DHRS7B: variants seen among roughly 807,000 people sequenced by gnomAD.
The protein encoded by DHRS7B is peroxisomal reductase activating PPAR-gamma.
In DHRS7B, 24 loss-of-function variants were observed where a neutral mutation model predicts 26.4. That is an observed-to-expected ratio of 0.91 (90% CI 0.66 to 1.28). The LOEUF is 1.28. DHRS7B is among the 50% of genes most tolerant of loss of function. The pLI is 0.00. For missense variants in DHRS7B, 368 were observed against 419.4 expected, an observed-to-expected ratio of 0.88 and a Z score of 1.07; for synonymous variants, 142 against 166.4, an observed-to-expected ratio of 0.85 and a Z score of 1.13.
chr17:21,172,629 C>T (rs1052592395), intron 2 of DHRS7B, among the ~76,000 whole-genome samples: 1 of 152,242 alleles, frequency 6.6e-6, no homozygotes, highest in Non-Finnish European at 1.5e-5. Context: ...TCAGCCGGGG[C>T]CTCTGGTTCA....
At chr17:21,185,482 T>A (rs1974610163) in intron 5 of DHRS7B, among the ~76,000 whole-genome samples, 1 of 152,252 alleles carries the variant, frequency 6.6e-6, no homozygotes, top group South Asian at 2.1e-4. Flanking sequence ...ATTCTGATCC[T>A]GTTTCCTTAC....
chr17:21,155,097 GA>G (rs1193122310), intron 1 of DHRS7B, among the ~76,000 whole-genome samples: 1 of 151,890 alleles, frequency 6.6e-6, no homozygotes. Context: ...GGTAACAAAT[GA>G]AAAAAAATTA....
intron 1 of DHRS7B, among the ~76,000 whole-genome samples, chr17:21,152,305 C>G (rs1173054920): frequency 1.3e-5 from 2 of 152,142 alleles, no homozygotes; most frequent in African/African-American, 4.8e-5. Context: ...CAGGCACATG[C>G]CACCACACCT....
At chr17:21,160,687 T>C (rs1304332430) in intron 1 of DHRS7B, among the ~76,000 whole-genome samples, 1 of 152,198 alleles carries the variant, frequency 6.6e-6, no homozygotes, top group Non-Finnish European at 1.5e-5. Context: ...TGAAATGTAC[T>C]CTTAACATAC....
chr17:21,168,670 T>G (rs1597748406), intron 1 of DHRS7B: 1 of 976,784 alleles, frequency 1.0e-6, no homozygotes. Context: ...CGTTTGGCCT[T>G]GGCACTGGCT....
intron 1 of DHRS7B, chr17:21,166,541 A>T (rs1597747365): frequency 1.3e-4 from 1 of 7,532 alleles, no homozygotes; most frequent in African/African-American, 7.2e-4. Flanking sequence ...ATTTGAGACC[A>T]AAAAAAAAAA....
At chr17:21,152,593 T>G (rs556463885) in intron 1 of DHRS7B, among the ~76,000 whole-genome samples, 2 of 152,320 alleles carry the variant, frequency 1.3e-5, no homozygotes, top group Admixed American at 1.3e-4. Flanking sequence ...CAATGAATAT[T>G]GGAGAGACAT....
chr17:21,135,032 T>C (rs760643904), intron 1 of DHRS7B, among the ~76,000 whole-genome samples: 5 of 152,160 alleles, frequency 3.3e-5, no homozygotes, highest in Admixed American at 6.6e-5. Flanking sequence ...TAGCTGATTA[T>C]AAAATCACCT....
At chr17:21,157,182 A>G (rs1973901019) in intron 1 of DHRS7B, among the ~76,000 whole-genome samples, 1 of 152,246 alleles carries the variant, frequency 6.6e-6, no homozygotes, top group African/African-American at 2.4e-5. Context: ...CCCAGGAGGT[A>G]GAAGCAGAGA....
chr17:21,137,271 G>T (rs1461251767), intron 1 of DHRS7B, among the ~76,000 whole-genome samples: 1 of 149,804 alleles, frequency 6.7e-6, no homozygotes, highest in East Asian at 2.0e-4. Context: ...TGAGCCACTG[G>T]GCCTGCCCAT....
At chr17:21,188,999 G>A (rs756244631) in intron 6 of DHRS7B, 136 bp downstream of exon 6, 2 of 1,198,282 alleles carry the variant, frequency 1.7e-6, no homozygotes, top group East Asian at 5.0e-5. Context: ...CTTGACAGAG[G>A]TGTTGGTTCT....
In DHRS7B at chr17:21,188,832, T is replaced by G. The variant is rs1392783150; in HGVS notation, c.741T>G (p.Asn247Lys). The change falls in exon 6 of 7, where the codon AAT (asparagine) becomes AAG (lysine). Residue 247 changes from asparagine to lysine, a missense_variant. Transcript: ENST00000395511. ...ACATCCACACCAACCTCTCTGTAAA[T>G]GCCATCACCGCGGATGGATCTAGGT... Reference protein sequence around the residue: ...PGYIHTNLSVNAITADGSRYG... With the variant: ...PGYIHTNLSVKAITADGSRYG... The G allele has an allele frequency of 6.2e-7, 1 of 1,614,172 alleles. No individual in the cohort carries two copies. Among genetic ancestry groups the G allele is most frequent in the Non-Finnish European group, 8.5e-7 (1 of 1,180,012 alleles).
chr17:21,180,595 CA>C lies in DHRS7B; in HGVS notation c.309+2254del, dbSNP rs1974495363. On this transcript the variant is annotated intron_variant, in intron 3 of 6. Transcript: ENST00000395511. ...CTATGTCTAGGTTCCTTGTGCCATTCAGTTGGTCTATATGTCTGTCTTATGT... is the reference window on the plus strand; with the variant it reads ...CTATGTCTAGGTTCCTTGTGCCATTCGTTGGTCTATATGTCTGTCTTATGT... Among the ~76,000 whole-genome samples the C allele has an allele frequency of 3.3e-5, 5 of 152,038 alleles. No homozygotes were observed. In the South Asian group the frequency reaches 1.0e-3, roughly 32 times the overall value.
intron 3 of DHRS7B, among the ~76,000 whole-genome samples, chr17:21,179,590 ACT>A (rs1974466638): frequency 6.6e-6 from 1 of 151,732 alleles, no homozygotes; most frequent in Non-Finnish European, 1.5e-5. Flanking sequence ...ACAGAGCGAG[ACT>A]CTGTCTCAAA....
rs138049372 is a variant in DHRS7B at position 21,156,592 on chromosome 17, G to A, written c.21-15426G>A. On this transcript the variant is annotated intron_variant, in intron 1 of 6. Transcript: ENST00000395511. ...TGCACTCTATCCTGGGTAACAGAGT[G>A]AGACTCCATCTCAAAAAATAATTAT... Among the ~76,000 whole-genome samples, 1,023 of 148,134 alleles carry A rather than the reference G, an allele frequency of 6.9e-3. 7 individuals carry two copies. Among genetic ancestry groups the A allele is most frequent in the South Asian group, 0.029 (134 of 4,642 alleles).
At chr17:21,168,370 G>A (rs1027105672) in intron 1 of DHRS7B, among the ~76,000 whole-genome samples, 1 of 152,100 alleles carries the variant, frequency 6.6e-6, no homozygotes, top group South Asian at 2.1e-4. Context: ...ACTGGATTTT[G>A]TTTTTTGTTT....
At chr17:21,171,712 C>T (rs1354959868) in intron 1 of DHRS7B, 4 of 482,342 alleles carry the variant, frequency 8.3e-6, no homozygotes, top group Non-Finnish European at 1.5e-5. Context: ...ACTGACACAC[C>T]ACCTCTTCCT....
intron 1 of DHRS7B, among the ~76,000 whole-genome samples, chr17:21,164,739 G>A (rs1231114178): frequency 6.6e-6 from 1 of 152,188 alleles, no homozygotes; most frequent in Admixed American, 6.5e-5. Context: ...CTGCCTCCAT[G>A]AGGTCAGACA....
intron 2 of DHRS7B, among the ~76,000 whole-genome samples, chr17:21,177,425 A>G (rs984984222): frequency 2.6e-5 from 4 of 152,154 alleles, no homozygotes; most frequent in Non-Finnish European, 1.5e-5. Flanking sequence ...CACGTGTCTG[A>G]CTAGCTTTGG....
Sources: gnomAD v4.1 joint callset for allele counts (sites outside exome capture counted in the v4.1 genomes callset) on GRCh38, gnomAD v4.1.1 for gene constraint, MANE v1.5 for transcripts, NCBI Gene and HGNC (gene_info 2026-07-23, HGNC 2026-07-21) for gene names.